GYS2: variants seen among roughly 807,000 people sequenced by gnomAD.
GYS2 encodes glycogen [starch] synthase, liver.
Under a neutral mutation model 85.6 loss-of-function variants are expected in GYS2, and 80 were observed. That is an observed-to-expected ratio of 0.93 (90% confidence interval 0.78 to 1.13). The LOEUF (loss-of-function observed/expected upper bound fraction) is 1.13. GYS2 is among the 50% of genes most tolerant of loss of function. The probability of loss-of-function intolerance (pLI) is 0.00; values close to 1 mark genes in which losing one functional copy is unlikely to be tolerated. For missense variants in GYS2, 881 were observed against 854.9 expected, an observed-to-expected ratio of 1.03 and a Z score of -0.38; for synonymous variants, 328 against 300.7, an observed-to-expected ratio of 1.09 and a Z score of -0.94.
rs946381757 is a variant in GYS2 at position 21,575,946 on chromosome 12, T to C, written c.415A>G (p.Ser139Gly). 6.2e-7 allele frequency: 1 copy of C among 1,613,860 alleles called. No individual in the cohort carries two copies. Among genetic ancestry groups the C allele is most frequent in the Non-Finnish European group, 8.5e-7 (1 of 1,179,780 alleles). ...CGGTCATGATAAGGAATGCCGACAC[T>C]GCATGCTTCCCAGAGGTCACCCTTC... is the stretch of plus-strand genomic sequence containing the variant. Reference protein sequence around the residue: ...RWKGDLWEACSVGIPYHDREA... With the variant: ...RWKGDLWEACGVGIPYHDREA... Residue 139 changes from serine (S) to glycine (G), a missense_variant, in exon 3 of 16, where the codon AGT (serine) becomes GGT (glycine). Coordinates refer to ENST00000261195, the MANE Select transcript of GYS2 (RefSeq NM_021957.4).
Position 21,558,447 on chromosome 12 carries a change from C to T in GYS2, c.1309-134G>A, listed in dbSNP as rs7977648. On this transcript the variant is annotated intron_variant, in intron 10 of 15. Transcript: ENST00000261195. The stretch of plus-strand genomic sequence containing the variant: ...TTTGAGATGGCACTAATGATGATGA[C>T]TAAGTCTTGTGTGTGTGTCAAAGGA... 0.13 allele frequency: 85,195 copies of T among 678,650 alleles called. 6,363 individuals carry two copies. The highest frequency in any genetic ancestry group is 0.2 in the African/African-American group (11,377 of 56,754). The allele number at this position is 678,650 out of a possible 1,614,324, so 42.0% of individuals were successfully genotyped here. A position where few individuals can be genotyped will look rare whatever the true frequency, so the allele number is the denominator to read the frequency against.
At chr12:21,554,537 T>C (rs1226063817) in intron 11 of GYS2, among the ~76,000 whole-genome samples, 1 of 147,878 alleles carries the variant, frequency 6.8e-6, no homozygotes, top group Non-Finnish European at 1.5e-5. Context: ...ATAACTGAGT[T>C]ATTCTAGAAA....
At position 21,551,449 on chromosome 12, in the gene GYS2, G is replaced by C. The variant is rs184019003; in HGVS notation, c.1423-4979C>G. On this transcript the variant is annotated intron_variant, in intron 11 of 15. Coordinates refer to ENST00000261195, the MANE Select transcript of GYS2 (RefSeq NM_021957.4). ...GGTAAAGAAGATAAGACATAAAGAG[G>C]GCTGTTGAATTATCAATTTTAAATT... 8.6e-5 allele frequency among the ~76,000 whole-genome samples: 13 copies of C among 151,586 alleles called. No individual in the cohort carries two copies. In the East Asian group the frequency reaches 2.3e-3, roughly 27 times the overall value.
At chr12:21,577,684 C>T (rs184275608) in intron 2 of GYS2, among the ~76,000 whole-genome samples, 1 of 152,180 alleles carries the variant, frequency 6.6e-6, no homozygotes, top group Non-Finnish European at 1.5e-5. Flanking sequence ...CTCTTTAAAC[C>T]TTGCATGCAC....
downstream of GYS2, among the ~76,000 whole-genome samples, chr12:21,535,356 T>C (rs1454517086): frequency 3.3e-5 from 5 of 152,170 alleles, no homozygotes; most frequent in Non-Finnish European, 7.3e-5. Context: ...TATCACAGTA[T>C]CTTTCTGGTA....
Position 21,542,487 on chromosome 12 carries a change from A to G in GYS2, c.1645+9T>C. Reference sequence around the variant, plus strand: ...CTCCCCAGCATGGGTTAATGATGAAAACCCTCACCGTAAGCAGTAGGATCA... The same window carrying G: ...CTCCCCAGCATGGGTTAATGATGAAGACCCTCACCGTAAGCAGTAGGATCA... On this transcript the variant is annotated intron_variant, in intron 13 of 15. Coordinates refer to ENST00000261195, the MANE Select transcript of GYS2 (RefSeq NM_021957.4). 2 of 1,587,068 alleles carry G rather than the reference A, an allele frequency of 1.3e-6. No homozygotes were observed. Among genetic ancestry groups the G allele is most frequent in the Non-Finnish European group, 1.7e-6 (2 of 1,155,330 alleles).
chr12:21,590,264 G>A (rs2136925517), intron 1 of GYS2, among the ~76,000 whole-genome samples: 1 of 152,284 alleles, frequency 6.6e-6, no homozygotes, highest in Non-Finnish European at 1.5e-5. Flanking sequence ...GATAGCCGGT[G>A]TCCACACACA....
At chr12:21,567,449 G>C (rs1944334309) in intron 5 of GYS2, among the ~76,000 whole-genome samples, 1 of 151,444 alleles carries the variant, frequency 6.6e-6, no homozygotes, top group South Asian at 2.1e-4. Flanking sequence ...GCGAATTCAA[G>C]AGAATCCTTG....
intron 1 of GYS2, among the ~76,000 whole-genome samples, chr12:21,592,105 A>G (rs1944645795): frequency 6.6e-6 from 1 of 151,678 alleles, no homozygotes; most frequent in Non-Finnish European, 1.5e-5. Context: ...AAACGTTACC[A>G]CTACAGAAAA....
chr12:21,591,099 C>T (rs1004404731), intron 1 of GYS2, among the ~76,000 whole-genome samples: 3 of 151,892 alleles, frequency 2.0e-5, no homozygotes, highest in Non-Finnish European at 4.4e-5. Context: ...TATGACACTT[C>T]CAAAGGAATT....
intron 11 of GYS2, 112 bp from the exon 12 acceptor site, chr12:21,546,582 A>T (rs1364463307): frequency 1.2e-5 from 8 of 661,184 alleles, no homozygotes; most frequent in Non-Finnish European, 1.8e-5. Flanking sequence ...TATGTTCTAG[A>T]TTCAGAAAGA....
At position 21,576,810 on chromosome 12, in the gene GYS2, A is replaced by G. The variant is rs1346752873; in HGVS notation, c.304-753T>C. On this transcript the variant is annotated intron_variant, in intron 2 of 15. Transcript: ENST00000261195. The stretch of plus-strand genomic sequence containing the variant: ...CTTCCTTTTTTGTCTCCATATTTCT[A>G]TAGTAATTTACTTGTTCTTTTGTCT... Among the ~76,000 whole-genome samples the G allele has an allele frequency of 3.3e-5, 5 of 152,182 alleles. No individual in the cohort carries two copies. In the East Asian group the frequency reaches 9.7e-4, roughly 29 times the overall value.
chr12:21,595,981 C>T (rs977106038), intron 1 of GYS2, among the ~76,000 whole-genome samples: 1 of 152,062 alleles, frequency 6.6e-6, no homozygotes, highest in African/African-American at 2.4e-5. Context: ...ATCCAATAAC[C>T]ACAGAACACA....
chr12:21,533,035 G>A (rs1034923806), downstream of GYS2: 1 of 152,158 alleles, frequency 6.6e-6, no homozygotes, highest in Non-Finnish European at 1.5e-5. Flanking sequence ...AGTGATCATA[G>A]ATCAGAAAAC....
chr12:21,584,529 G>T (rs1411778479), intron 1 of GYS2, among the ~76,000 whole-genome samples: 1 of 152,196 alleles, frequency 6.6e-6, no homozygotes, highest in African/African-American at 2.4e-5. Flanking sequence ...AGGGATGGAA[G>T]TTATGCTTGG....
intron 12 of GYS2, among the ~76,000 whole-genome samples, chr12:21,545,465 A>G (rs964093592): frequency 2.0e-5 from 3 of 152,218 alleles, no homozygotes; most frequent in African/African-American, 7.2e-5. Flanking sequence ...TAAAATCACA[A>G]GTGAAACTTT....
Position 21,537,113 on chromosome 12 carries a change from G to T in GYS2, c.1953C>A (p.Ala651=). The change falls in exon 16 of 16, where the codon GCC becomes GCA. Residue 651 remains alanine, a synonymous_variant. Transcript: ENST00000261195. The part of the protein sequence containing the change: ...SVPPSPSGSQ[A]SSPQSSDVED... ...CCACATCACTGCTCTGAGGACTGGA[G>T]GCCTGAGACCCTGAAGGAGAAGGTG... 6.2e-7 allele frequency: 1 copy of T among 1,613,864 alleles called. No individual in the cohort carries two copies. The highest frequency in any genetic ancestry group is 8.5e-7 in the Non-Finnish European group (1 of 1,179,858).
intron 4 of GYS2, among the ~76,000 whole-genome samples, chr12:21,571,839 G>A (rs1003931544): frequency 4.6e-5 from 7 of 152,070 alleles, no homozygotes; most frequent in African/African-American, 1.4e-4. Flanking sequence ...GTGCGTGCCT[G>A]TAGTCCCACC....
chr12:21,580,651 C>T (rs1431078106), intron 1 of GYS2, 128 bp from the exon 2 acceptor site: 1 of 753,078 alleles, frequency 1.3e-6, no homozygotes, highest in Non-Finnish European at 2.3e-6. Context: ...ATTTATTTAC[C>T]TTTCAAAAAT....
Sources: gnomAD v4.1 joint callset for allele counts (sites outside exome capture counted in the v4.1 genomes callset) on GRCh38, gnomAD v4.1.1 for gene constraint, MANE v1.5 for transcripts, NCBI Gene and HGNC (gene_info 2026-07-23, HGNC 2026-07-21) for gene names.